MYZAP: variants seen among roughly 807,000 people sequenced by gnomAD.
The protein encoded by MYZAP is GRINL1A complex locus upstream.
MYZAP carries 66 observed loss-of-function variants against 69.4 expected under a neutral mutation model. The observed-to-expected ratio is 0.95, with a 90% confidence interval of 0.78 to 1.17. The LOEUF is 1.17. MYZAP is among the 50% of genes most tolerant of loss of function. MYZAP has a pLI of 0.00. For synonymous variants in MYZAP, 256 were observed against 205.9 expected (o/e 1.24, Z -2.09); for missense variants, 611 against 556.2 (o/e 1.10, Z -0.99).
chr15:57,653,374 G>A (rs2037823266), intron 10 of MYZAP, among the ~76,000 whole-genome samples: 1 of 151,960 alleles, frequency 6.6e-6, no homozygotes. Context: ...GAACTGACTA[G>A]GTCAGGGATG....
chr15:57,648,531 A>G lies in MYZAP; in HGVS notation c.1119+8986A>G, dbSNP rs2037564459. 4.2e-6 allele frequency: 4 copies of G among 963,068 alleles called. No individual in the cohort carries two copies. The South Asian group carries it at 1.9e-4, about 46-fold the overall frequency. 59.7% of individuals were successfully genotyped at this position (963,068 alleles called of 1,614,324 possible). ...CATCTCTGGAAGGTATTATTCGCCC[A>G]GTTTTTTAAGCATGGGAAACTGAGG... On this transcript the variant is annotated intron_variant, in intron 10 of 12. Transcript: ENST00000267853.
intron 2 of MYZAP, among the ~76,000 whole-genome samples, chr15:57,614,310 G>C (rs1286929646): frequency 1.3e-5 from 2 of 152,178 alleles, no homozygotes; most frequent in Non-Finnish European, 2.9e-5. Context: ...AGACAAAGTA[G>C]GCCCTGGACT....
At chr15:57,660,820 G>A (rs1179088385) in intron 10 of MYZAP, among the ~76,000 whole-genome samples, 1 of 152,126 alleles carries the variant, frequency 6.6e-6, no homozygotes, top group African/African-American at 2.4e-5. Flanking sequence ...ACAAAGAGTA[G>A]TCTAAGATAG....
chr15:57,652,373 TA>T (rs1175395720), intron 10 of MYZAP, among the ~76,000 whole-genome samples: 3 of 152,342 alleles, frequency 2.0e-5, no homozygotes, highest in Admixed American at 6.5e-5. Flanking sequence ...CTCTATGCAT[TA>T]TTTTTTTTGT....
intron 2 of MYZAP, among the ~76,000 whole-genome samples, chr15:57,615,206 A>T (rs1156595453): frequency 1.3e-5 from 2 of 152,246 alleles, no homozygotes; most frequent in African/African-American, 4.8e-5. Context: ...ATAAAGGAAA[A>T]AGTGAAATCT....
chr15:57,618,060 A>G lies in MYZAP; in HGVS notation c.190A>G (p.Thr64Ala). 1 of 1,613,952 alleles carries G rather than the reference A, an allele frequency of 6.2e-7. No homozygotes were observed. The change falls in exon 3 of 13, where the codon ACC (threonine) becomes GCC (alanine). Residue 64 changes from threonine (T) to alanine (A), a missense_variant. Coordinates refer to ENST00000267853, the MANE Select transcript of MYZAP (RefSeq NM_001018100.5). ...TCTTGACCTGAGCAATGGAGAACCT[A>G]CCAGGAAACTTCCTCAGGGTGTTGT... The part of the protein sequence containing the change: ...QLLDLSNGEP[T>A]RKLPQGVVYG...
At chr15:57,646,251 A>G in intron 10 of MYZAP, 2 of 1,288,560 alleles carry the variant, frequency 1.6e-6, no homozygotes, top group African/African-American at 1.5e-5. Context: ...TTAGAAGAAC[A>G]CTTGTACACT....
intron 2 of MYZAP, among the ~76,000 whole-genome samples, chr15:57,605,369 ATAAAG>A (rs1595856752): frequency 6.6e-6 from 1 of 152,232 alleles, no homozygotes; most frequent in East Asian, 1.9e-4. Context: ...TTATATGATT[ATAAAG>A]TAAAACAAAA....
At chr15:57,628,291 G>T (rs1441489424) in intron 5 of MYZAP, among the ~76,000 whole-genome samples, 1 of 152,110 alleles carries the variant, frequency 6.6e-6, no homozygotes, top group African/African-American at 2.4e-5. Context: ...TTTTTTTAGA[G>T]ATGGGGTCTT....
intron 10 of MYZAP, chr15:57,647,551 A>C (rs888897900): frequency 1.9e-5 from 19 of 985,360 alleles, no homozygotes; most frequent in Admixed American, 6.1e-5. Flanking sequence ...CAGGTCACCC[A>C]TGTAAGTCCT....
intron 10 of MYZAP, chr15:57,647,313 C>G: frequency 1.0e-6 from 1 of 985,378 alleles, no homozygotes; most frequent in Non-Finnish European, 1.2e-6. Context: ...AGATACGATG[C>G]TGGGTATTCA....
chr15:57,628,565 T>A (rs2036297085), intron 5 of MYZAP, among the ~76,000 whole-genome samples: 1 of 152,100 alleles, frequency 6.6e-6, no homozygotes, highest in East Asian at 1.9e-4. Context: ...CACTATTGAT[T>A]TAAACATCCT....
chr15:57,674,909 G>T (rs1310535043), intron 11 of MYZAP, 59 bp from the exon 12 acceptor site: 1 of 1,416,312 alleles, frequency 7.1e-7, no homozygotes, highest in African/African-American at 1.4e-5. Flanking sequence ...ATTGTATCAT[G>T]CATATTTGAG....
At chr15:57,630,128 C>T (rs1482936023) in intron 6 of MYZAP, among the ~76,000 whole-genome samples, 5 of 152,108 alleles carry the variant, frequency 3.3e-5, no homozygotes, top group African/African-American at 1.2e-4. Flanking sequence ...GCCACCTTGC[C>T]CAGTAATTTT....
chr15:57,618,859 C>T (rs2035636290), intron 3 of MYZAP, among the ~76,000 whole-genome samples: 1 of 152,296 alleles, frequency 6.6e-6, no homozygotes, highest in African/African-American at 2.4e-5. Flanking sequence ...GACCAAACCA[C>T]CCAGCTTATA....
At chr15:57,599,499 G>C in intron 1 of MYZAP, 5 of 1,204,710 alleles carry the variant, frequency 4.2e-6, no homozygotes, top group Non-Finnish European at 5.3e-6. Context: ...CCCAGGGACA[G>C]CTGGTTCGGT....
At chr15:57,608,763 C>T (rs1272228312) in intron 2 of MYZAP, among the ~76,000 whole-genome samples, 4 of 152,212 alleles carry the variant, frequency 2.6e-5, no homozygotes, top group Non-Finnish European at 4.4e-5. Flanking sequence ...TTTGTTTTTA[C>T]CCCCTTAGAC....
At chr15:57,595,440 A>G (rs1485833012) in intron 1 of MYZAP, among the ~76,000 whole-genome samples, 2 of 152,202 alleles carry the variant, frequency 1.3e-5, no homozygotes, top group African/African-American at 2.4e-5. Flanking sequence ...ACCTTGCTTC[A>G]TGCTTTTGAA....
At chr15:57,633,792 A>G (rs11637944) in intron 8 of MYZAP, 51 bp downstream of exon 8, 217,123 of 1,444,248 alleles carry the variant, frequency 0.15, 18,042 homozygotes, top group East Asian at 0.35. Flanking sequence ...TTTTCCCTGT[A>G]GGTCCATCTG....
Sources: allele counts gnomAD v4.1 joint callset (sites outside exome capture counted in the v4.1 genomes callset), GRCh38; gene constraint gnomAD v4.1.1; transcripts MANE v1.5; gene names NCBI Gene and HGNC (gene_info 2026-07-23, HGNC 2026-07-21).